Variants in KCNMB2 observed in about 807,000 individuals in gnomAD.
KCNMB2 encodes calcium-activated potassium channel subunit beta-2.
KCNMB2 carries 9 observed loss-of-function variants against 24.5 expected under a neutral mutation model. The observed-to-expected ratio is 0.37, with a 90% CI of 0.22 to 0.64. The LOEUF is 0.64. Ranked by LOEUF, KCNMB2 falls within the 30% of genes least tolerant of loss-of-function variation. KCNMB2 has a pLI of 0.63. For missense variants in KCNMB2, 226 were observed against 284.3 expected (o/e 0.79, Z 1.47); for synonymous variants, 109 against 104.4 (o/e 1.04, Z -0.27).
At chr3:178,792,287 A>G (rs1713352782) in intron 1 of KCNMB2, among the ~76,000 whole-genome samples, 1 of 152,146 alleles carries the variant, frequency 6.6e-6, no homozygotes, top group South Asian at 2.1e-4. Flanking sequence ...TTTTCCTCTT[A>G]TTTGTCTGCT....
At chr3:178,536,970 A>G (rs1400369277) in intron 1 of KCNMB2, among the ~76,000 whole-genome samples, 1 of 152,166 alleles carries the variant, frequency 6.6e-6, no homozygotes, top group African/African-American at 2.4e-5. Context: ...CCTGTGGAGT[A>G]GAATGCTTAG....
chr3:178,810,038 C>CGTCTTTG (rs1299118420), intron 2 of KCNMB2, among the ~76,000 whole-genome samples: 1 of 151,652 alleles, frequency 6.6e-6, no homozygotes, highest in Admixed American at 6.6e-5. Flanking sequence ...ACCACATCTT[C>CGTCTTTG]GTCTTTGCTG....
At chr3:178,776,823 G>C (rs1339317911) in intron 1 of KCNMB2, among the ~76,000 whole-genome samples, 1 of 152,148 alleles carries the variant, frequency 6.6e-6, no homozygotes, top group African/African-American at 2.4e-5. Flanking sequence ...GTGTTTAAAA[G>C]TGTAGACTCC....
rs374765968 is a variant in KCNMB2 at position 178,809,487 on chromosome 3, T to C, written c.56+2022T>C. On this transcript the variant is annotated intron_variant, in intron 2 of 4. Coordinates refer to ENST00000452583, the MANE Select transcript of KCNMB2 (RefSeq NM_181361.3). ...AACTGAGGCTTTTTAAATAACTGAG[T>C]GATTTTCAATAACTTCCAAAGGCCC... Among the ~76,000 whole-genome samples the C allele has an allele frequency of 3.4e-4, 51 of 152,228 alleles. 1 individual carries two copies. The South Asian group carries it at 0.01, about 31-fold the overall frequency.
chr3:178,766,913 A>G (rs1485875173), intron 1 of KCNMB2, among the ~76,000 whole-genome samples: 1 of 152,200 alleles, frequency 6.6e-6, no homozygotes, highest in Non-Finnish European at 1.5e-5. Flanking sequence ...CAAGGAAACA[A>G]TGCATTATTG....
At chr3:178,627,660 C>T (rs1353445640) in intron 1 of KCNMB2, among the ~76,000 whole-genome samples, 1 of 152,124 alleles carries the variant, frequency 6.6e-6, no homozygotes, top group African/African-American at 2.4e-5. Context: ...GATTTAAGGT[C>T]ACAGGAAAAA....
intron 1 of KCNMB2, among the ~76,000 whole-genome samples, chr3:178,760,994 A>C (rs1363590240): frequency 6.6e-6 from 1 of 152,190 alleles, no homozygotes; most frequent in Admixed American, 6.5e-5. Context: ...GGGCCTCGGC[A>C]TTAAGAAATT....
intron 1 of KCNMB2, among the ~76,000 whole-genome samples, chr3:178,694,076 C>G (rs1721782906): frequency 6.6e-6 from 1 of 152,018 alleles, no homozygotes; most frequent in African/African-American, 2.4e-5. Flanking sequence ...AGTTTGACTC[C>G]CAGTTCAGCA....
intron 1 of KCNMB2, among the ~76,000 whole-genome samples, chr3:178,676,270 C>T (rs1277303166): frequency 6.6e-6 from 1 of 152,172 alleles, no homozygotes; most frequent in Non-Finnish European, 1.5e-5. Context: ...AGTGACAAGA[C>T]TAACTCAGTG....
intron 1 of KCNMB2, among the ~76,000 whole-genome samples, chr3:178,741,663 C>T (rs1018725075): frequency 2.0e-5 from 3 of 152,172 alleles, no homozygotes; most frequent in African/African-American, 7.2e-5. Context: ...TCAGACCAGG[C>T]GTCCACAACC....
At chr3:178,549,474 CTTT>C (rs1237618463) in intron 1 of KCNMB2, among the ~76,000 whole-genome samples, 109 of 94,586 alleles carry the variant, frequency 1.2e-3, no homozygotes, top group Non-Finnish European at 1.5e-3. Context: ...CAATGCCCAG[CTTT>C]TTTTTTTTTT....
intron 1 of KCNMB2, among the ~76,000 whole-genome samples, chr3:178,602,727 TG>T (rs1406627749): frequency 1.6e-4 from 25 of 152,104 alleles, no homozygotes; most frequent in African/African-American, 6.0e-4. Context: ...AGGACAAGTA[TG>T]AAGTGAGTGG....
At chr3:178,593,604 C>A (rs75931638) in intron 1 of KCNMB2, among the ~76,000 whole-genome samples, 1 of 151,818 alleles carries the variant, frequency 6.6e-6, no homozygotes. Flanking sequence ...TTGACCGATG[C>A]TTATTTTGTT....
intron 2 of KCNMB2, among the ~76,000 whole-genome samples, chr3:178,823,260 G>A (rs1484120585): frequency 6.6e-6 from 1 of 152,232 alleles, no homozygotes; most frequent in Non-Finnish European, 1.5e-5. Flanking sequence ...GTCAAAAACA[G>A]GGCAGGCCAG....
At chr3:178,701,505 G>A (rs1209196866) in intron 1 of KCNMB2, among the ~76,000 whole-genome samples, 1 of 152,040 alleles carries the variant, frequency 6.6e-6, no homozygotes, top group Non-Finnish European at 1.5e-5. Flanking sequence ...AAAGTCATTG[G>A]TAGCTTGATG....
rs1714903796 is a variant in KCNMB2, at chr3:178,828,065, G to GAGATTT, written c.228-109_228-104dup. Reference sequence around the variant, plus strand: ...AACTTTACACAGATAGATCATATTAGAGATTTAGAAAAGATTTTTCAGCTT... The same window carrying GAGATTT: ...AACTTTACACAGATAGATCATATTAGAGATTTAGATTTAGAAAAGATTTTTCAGCTT... On this transcript the variant is annotated intron_variant, in intron 3 of 4. Coordinates refer to ENST00000452583, the MANE Select transcript of KCNMB2 (RefSeq NM_181361.3). The GAGATTT allele has an allele frequency of 3.7e-6, 3 of 810,988 alleles. No homozygotes were observed. The Admixed American group carries it at 7.4e-5, about 20-fold the overall frequency. 50.2% of individuals were successfully genotyped at this position (810,988 alleles called of 1,614,324 possible). A position where few individuals can be genotyped will look rare whatever the true frequency, so the allele number is the denominator to read the frequency against.
At chr3:178,752,915 A>T (rs1240524475) in intron 1 of KCNMB2, among the ~76,000 whole-genome samples, 3 of 152,176 alleles carry the variant, frequency 2.0e-5, no homozygotes, top group Admixed American at 6.5e-5. Flanking sequence ...AAAAACTAAC[A>T]CTGTGGGTTG....
chr3:178,731,985 G>T (rs1723167311), intron 1 of KCNMB2, among the ~76,000 whole-genome samples: 1 of 152,156 alleles, frequency 6.6e-6, no homozygotes, highest in East Asian at 1.9e-4. Context: ...GACCTTATTA[G>T]ACAATGCCAG....
At chr3:178,541,352 C>G (rs1304059258) in intron 1 of KCNMB2, among the ~76,000 whole-genome samples, 1 of 152,148 alleles carries the variant, frequency 6.6e-6, no homozygotes, top group Non-Finnish European at 1.5e-5. Flanking sequence ...TTGCTCTCCC[C>G]TGGCAATGAG....
Sources: allele counts gnomAD v4.1 joint callset (sites outside exome capture counted in the v4.1 genomes callset), GRCh38; gene constraint gnomAD v4.1.1; transcripts MANE v1.5; gene names NCBI Gene and HGNC (gene_info 2026-07-23, HGNC 2026-07-21).